The following IAH1 variants were observed in gnomAD, a reference collection of about 807,000 sequenced individuals.
IAH1 encodes isoamyl acetate hydrolyzing esterase 1 (putative).
Under a neutral mutation model 26.7 loss-of-function variants are expected in IAH1, and 24 were observed. The ratio of observed to expected loss-of-function variants is 0.90; its 90% CI spans 0.65 to 1.26. The LOEUF (loss-of-function observed/expected upper bound fraction) is 1.26. Among genes scored for constraint, IAH1 ranks in the 50% most tolerant of loss-of-function variants. The probability of loss-of-function intolerance (pLI) is 0.00; values close to 1 mark genes in which losing one functional copy is unlikely to be tolerated. For synonymous variants in IAH1, 140 were observed against 118.5 expected, an observed-to-expected ratio of 1.18 and a Z score of -1.18; for missense variants, 300 against 299.9, an observed-to-expected ratio of 1.00 and a Z score of 0.00.
chr2:9,490,117 T>C (rs1439971733), downstream of IAH1: 18 of 1,326,316 alleles, frequency 1.4e-5, no homozygotes, highest in South Asian at 9.7e-5. Context: ...TGTGATTGAT[T>C]TGTAGGTCAA....
At chr2:9,487,855 G>C (rs540022297) in intron 5 of IAH1, among the ~76,000 whole-genome samples, 64 of 149,926 alleles carry the variant, frequency 4.3e-4, no homozygotes, top group African/African-American at 1.4e-3. Context: ...CGCGCGCTGT[G>C]GGGGGAGACA....
chr2:9,510,992 C>T, the IAH1 span, among the ~76,000 whole-genome samples: 1 of 152,086 alleles, frequency 6.6e-6, no homozygotes, highest in Non-Finnish European at 1.5e-5. Flanking sequence ...CATAACAAAA[C>T]ATCAAACCTT....
At chr2:9,482,615 G>C (rs567200238) in intron 4 of IAH1, among the ~76,000 whole-genome samples, 45 of 152,278 alleles carry the variant, frequency 3.0e-4, no homozygotes, top group Middle Eastern at 3.4e-3. Flanking sequence ...ACACAACCAG[G>C]AATCAAATCC....
chr2:9,503,220 AG>A, the IAH1 span, among the ~76,000 whole-genome samples: 1 of 151,924 alleles, frequency 6.6e-6, no homozygotes, highest in African/African-American at 2.4e-5. Context: ...CTCGGCAGCC[AG>A]AACTCTACTC....
chr2:9,484,521 G>C lies in IAH1; in HGVS notation c.535G>C (p.Asp179His). ...VAQDCGTDVL[D>H]LWTLMQDSQD... ...CCAAGACTGTGGGACTGACGTACTT[G>C]ACCTGTGGACCCTGATGCAGGACAG... Residue 179 changes from aspartate (D) to histidine (H), a missense_variant, in exon 5 of 6, where the codon GAC becomes CAC. Physicochemically the swap from Asp to His is moderately conservative, Grantham distance 81. Coordinates refer to ENST00000497473, the MANE Select transcript of IAH1 (RefSeq NM_001039613.3). 1.2e-6 allele frequency: 2 copies of C among 1,614,032 alleles called. No individual in the cohort carries two copies. The highest frequency in any genetic ancestry group is 1.7e-6 in the Non-Finnish European group (2 of 1,179,922).
Position 9,488,404 on chromosome 2 carries a change from T to G in IAH1, c.*75T>G, listed in dbSNP as rs540140468. 2.0e-4 allele frequency: 247 copies of G among 1,208,762 alleles called. No homozygotes were observed. In the African/African-American group the frequency reaches 3.4e-3, roughly 17 times the overall value. The allele number at this position is 1,208,762 out of a possible 1,614,324, so 74.9% of individuals were successfully genotyped here. A position where few individuals can be genotyped will look rare whatever the true frequency, so the allele number is the denominator to read the frequency against. ...GTCAATACGTAGAGGTACGCTTTTT[T>G]CCTCAGGCTTAAACCTTTGCCACTG... On this transcript the variant is annotated 3_prime_UTR_variant, in exon 6 of 6. Coordinates refer to ENST00000497473, the MANE Select transcript of IAH1 (RefSeq NM_001039613.3).
intron 2 of IAH1, 30 bp from the exon 3 acceptor site, chr2:9,478,192 A>C: frequency 1.3e-6 from 2 of 1,584,630 alleles, no homozygotes; most frequent in Non-Finnish European, 1.7e-6. Context: ...TCTTGCCCAC[A>C]ATTCATCTTT....
At chr2:9,492,517 T>C (rs1203954105), downstream of IAH1, among the ~76,000 whole-genome samples, 1 of 152,164 alleles carries the variant, frequency 6.6e-6, no homozygotes, top group African/African-American at 2.4e-5. Context: ...CTACATGATA[T>C]ATGGGGAACA....
At chr2:9,509,876 C>T in the IAH1 span, 1 of 1,461,668 alleles carries the variant, frequency 6.8e-7, no homozygotes, top group Non-Finnish European at 9.3e-7. Context: ...ACATCCATCC[C>T]TAGGGAAACG....
intron 2 of IAH1, 82 bp downstream of exon 2, chr2:9,476,121 A>T: frequency 1.7e-6 from 2 of 1,187,264 alleles, no homozygotes; most frequent in South Asian, 1.3e-5. Context: ...GATAGTTCTG[A>T]ACAGAACATT....
rs899160243 is a variant in IAH1 at position 9,475,027 on chromosome 2, C to T, written c.81+380C>T. ...GCCGCGGGCGACCGCGCGCTGTGTC[C>T]CAGGAGGCCCCGCGGCCAGCTCCGG... On this transcript the variant is annotated intron_variant, in intron 1 of 5. Coordinates refer to ENST00000497473, the MANE Select transcript of IAH1 (RefSeq NM_001039613.3). 8 of 1,138,526 alleles carry T rather than the reference C, an allele frequency of 7.0e-6. No individual in the cohort carries two copies. In the African/African-American group the frequency reaches 9.8e-5, roughly 14 times the overall value. 70.5% of individuals were successfully genotyped at this position (1,138,526 alleles called of 1,614,324 possible).
chr2:9,487,390 T>C (rs1661574041), intron 5 of IAH1: 1 of 152,154 alleles, frequency 6.6e-6, no homozygotes. Context: ...AAAAACAATA[T>C]TGACTCATGG....
At chr2:9,493,746 C>T (rs1662343244), downstream of IAH1, 1 of 1,613,056 alleles carries the variant, frequency 6.2e-7, no homozygotes, top group Non-Finnish European at 8.5e-7. Context: ...AAATCACCTA[C>T]CAAAAGTATT....
chr2:9,492,962 A>G, downstream of IAH1: 2 of 1,612,118 alleles, frequency 1.2e-6, no homozygotes, highest in South Asian at 1.1e-5. Flanking sequence ...GACAGACCCA[A>G]CGATGTTGTC....
At chr2:9,476,960 G>A (rs1423889191) in intron 2 of IAH1, among the ~76,000 whole-genome samples, 1 of 152,178 alleles carries the variant, frequency 6.6e-6, no homozygotes, top group Non-Finnish European at 1.5e-5. Flanking sequence ...AGGGCTCACT[G>A]CAGCCTCCAC....
intron 3 of IAH1, among the ~76,000 whole-genome samples, chr2:9,478,840 G>T (rs1660979221): frequency 6.6e-6 from 1 of 152,206 alleles, no homozygotes; most frequent in African/African-American, 2.4e-5. Flanking sequence ...GACTGCTGAA[G>T]AATTGCTGCT....
the IAH1 span, among the ~76,000 whole-genome samples, chr2:9,507,714 C>CTT: frequency 6.8e-6 from 1 of 147,732 alleles, no homozygotes; most frequent in African/African-American, 2.4e-5. Flanking sequence ...TTAGCAAGTT[C>CTT]TTTTTTTTCT....
chr2:9,510,070 T>C, the IAH1 span: 7 of 1,614,050 alleles, frequency 4.3e-6, no homozygotes, highest in South Asian at 7.7e-5. Flanking sequence ...TGCTAGACCA[T>C]CCGGATCATG....
chr2:9,511,942 G>A, the IAH1 span, among the ~76,000 whole-genome samples: 2 of 152,066 alleles, frequency 1.3e-5, no homozygotes, highest in East Asian at 3.9e-4. Context: ...TGAACCCCCA[G>A]CCTGGGCAAA....
Sources: gnomAD v4.1 joint callset for allele counts (sites outside exome capture counted in the v4.1 genomes callset) on GRCh38, gnomAD v4.1.1 for gene constraint, MANE v1.5 for transcripts, NCBI Gene and HGNC (gene_info 2026-07-23, HGNC 2026-07-21) for gene names.